Variants in LACTB2 observed in about 807,000 individuals in gnomAD.
The protein encoded by LACTB2 is endoribonuclease LACTB2.
Under a neutral mutation model 34.8 loss-of-function variants are expected in LACTB2, and 32 were observed. The ratio of observed to expected loss-of-function variants is 0.92; its 90% CI spans 0.69 to 1.24. The LOEUF is 1.24. Among genes scored for constraint, LACTB2 ranks in the 50% most tolerant of loss-of-function variants. The pLI, the probability that LACTB2 is intolerant of heterozygous loss-of-function variation, is 0.00. For missense variants in LACTB2, 320 were observed against 345.0 expected (o/e 0.93, Z 0.57); for synonymous variants, 120 against 117.5 (o/e 1.02, Z -0.14).
At chr8:70,648,067 T>G (rs569352226) in intron 3 of LACTB2, among the ~76,000 whole-genome samples, 18 of 152,308 alleles carry the variant, frequency 1.2e-4, no homozygotes, top group African/African-American at 4.3e-4. Context: ...AGAGTCTTTT[T>G]CTAAGTTATT....
At chr8:70,668,728 A>C (rs1818572197) in intron 1 of LACTB2, among the ~76,000 whole-genome samples, 1 of 148,496 alleles carries the variant, frequency 6.7e-6, no homozygotes, top group African/African-American at 2.5e-5. Context: ...AAGAACAGTA[A>C]ATCGGGTTTC....
chr8:70,657,859 G>A lies in LACTB2; in HGVS notation c.310C>T (p.Leu104Phe), dbSNP rs1162570809. The change falls in exon 3 of 7, where the codon CTC (leucine) becomes TTC (phenylalanine). Residue 104 changes from leucine to phenylalanine, a missense_variant. Coordinates refer to ENST00000276590, the MANE Select transcript of LACTB2 (RefSeq NM_016027.3). The stretch of plus-strand genomic sequence containing the variant: ...TCTTCTCTCTGAGGATTCCGTGGGA[G>A]TTTTTTAATGCAATAGGTAGTGTCT... ...NNDTTYCIKKLPRNPQREEII... is the reference protein window; with the variant it reads ...NNDTTYCIKKFPRNPQREEII... 1.3e-6 allele frequency: 2 copies of A among 1,599,588 alleles called. No homozygotes were observed. Among genetic ancestry groups the A allele is most frequent in the Non-Finnish European group, 8.6e-7 (1 of 1,167,492 alleles).
At chr8:70,645,524 T>A (rs1396089082) in intron 3 of LACTB2, among the ~76,000 whole-genome samples, 1 of 152,130 alleles carries the variant, frequency 6.6e-6, no homozygotes, top group African/African-American at 2.4e-5. Flanking sequence ...CTTTAAGTTT[T>A]AGGGTACATG....
In LACTB2 at chr8:70,667,498, A is replaced by T. The variant is rs1482683703; in HGVS notation, c.122+1501T>A. Among the ~76,000 whole-genome samples the T allele has an allele frequency of 2.6e-5, 4 of 152,366 alleles. No individual in the cohort carries two copies. The East Asian group carries it at 7.7e-4, about 29-fold the overall frequency. ...TATGGAGAAATAATTTACATAGTGC[A>T]AGTAATTCCACTGGCCATTCCACTC... is the stretch of plus-strand genomic sequence containing the variant. On this transcript the variant is annotated intron_variant, in intron 1 of 6. Coordinates refer to ENST00000276590, the MANE Select transcript of LACTB2 (RefSeq NM_016027.3).
chr8:70,661,153 A>C (rs1013533140), intron 2 of LACTB2: 4 of 420,612 alleles, frequency 9.5e-6, no homozygotes, highest in Non-Finnish European at 1.9e-5. Flanking sequence ...TGTTTTGTTC[A>C]CTGCTATACC....
At chr8:70,661,276 T>C (rs867848006) in intron 2 of LACTB2, 2 of 336,706 alleles carry the variant, frequency 5.9e-6, no homozygotes, top group Middle Eastern at 8.0e-4. Flanking sequence ...ATAGAAAATG[T>C]CAGTACTGTA....
intron 3 of LACTB2, among the ~76,000 whole-genome samples, chr8:70,656,188 T>C (rs1270224041): frequency 1.3e-5 from 2 of 152,234 alleles, no homozygotes; most frequent in Non-Finnish European, 2.9e-5. Flanking sequence ...TTTAGTTTAA[T>C]TAAGTCCCAA....
chr8:70,650,180 A>T (rs973531554), intron 3 of LACTB2, among the ~76,000 whole-genome samples: 4 of 152,104 alleles, frequency 2.6e-5, no homozygotes, highest in African/African-American at 9.7e-5. Flanking sequence ...AGATGATCTG[A>T]TTATAGTTTA....
In LACTB2 at chr8:70,657,886, G is replaced by C; in HGVS notation, c.287-4C>G. The C allele has an allele frequency of 6.4e-7, 1 of 1,568,044 alleles. No individual in the cohort carries two copies. The highest frequency in any genetic ancestry group is 1.4e-5 in the African/African-American group (1 of 73,082). On this transcript the variant is annotated splice_polypyrimidine_tract_variant and splice_region_variant and intron_variant, in intron 2 of 6. Transcript: ENST00000276590. ...TTTTTAATGCAATAGGTAGTGTCTA[G>C]TCATAAAACATATAAAATATATTAA...
intron 1 of LACTB2, among the ~76,000 whole-genome samples, chr8:70,666,683 A>G (rs988449762): frequency 6.6e-6 from 1 of 152,254 alleles, no homozygotes; most frequent in Non-Finnish European, 1.5e-5. Context: ...ACAGTAGCCT[A>G]AGCAAGAGTT....
Position 70,658,946 on chromosome 8 carries a change from G to A in LACTB2, c.287-1064C>T, listed in dbSNP as rs552476957. Among the ~76,000 whole-genome samples, 60 of 152,286 alleles carry A rather than the reference G, an allele frequency of 3.9e-4. 1 individual carries two copies. Among genetic ancestry groups the A allele is most frequent in the Admixed American group, 3.4e-3 (52 of 15,300 alleles). ...GGAGGCTGAGGCAGGAGAATCGAATGAGCCCAGGAGGCGGAGGTTGCAGTG... is the reference window on the plus strand; with the variant it reads ...GGAGGCTGAGGCAGGAGAATCGAATAAGCCCAGGAGGCGGAGGTTGCAGTG... On this transcript the variant is annotated intron_variant, in intron 2 of 6. Coordinates refer to ENST00000276590, the MANE Select transcript of LACTB2 (RefSeq NM_016027.3).
At chr8:70,649,543 A>G (rs1460172471) in intron 3 of LACTB2, among the ~76,000 whole-genome samples, 1 of 152,200 alleles carries the variant, frequency 6.6e-6, no homozygotes, top group African/African-American at 2.4e-5. Context: ...AATAGTGTCT[A>G]CAGTCATAAC....
At chr8:70,659,859 T>C (rs1369809982) in intron 2 of LACTB2, among the ~76,000 whole-genome samples, 6 of 152,320 alleles carry the variant, frequency 3.9e-5, no homozygotes, top group Admixed American at 1.3e-4. Flanking sequence ...CAAAGCAGCA[T>C]GAGGGGACCT....
At chr8:70,643,484 A>G (rs574731348) in intron 4 of LACTB2, among the ~76,000 whole-genome samples, 1 of 150,066 alleles carries the variant, frequency 6.7e-6, no homozygotes, top group African/African-American at 2.4e-5. Flanking sequence ...AGGCCTCTCA[A>G]AGAGGGGTAT....
chr8:70,644,012 C>T (rs1194127805), intron 4 of LACTB2, 53 bp downstream of exon 4: 9 of 1,407,054 alleles, frequency 6.4e-6, no homozygotes, highest in Non-Finnish European at 7.4e-6. Context: ...CATAGCAAGA[C>T]CTTGTCTCTA....
intron 2 of LACTB2, among the ~76,000 whole-genome samples, chr8:70,658,319 C>T (rs58058208): frequency 0.016 from 2,485 of 152,170 alleles, 66 homozygotes; most frequent in African/African-American, 0.057. Context: ...GTCCTTGCTA[C>T]AAGTACTGAA....
At chr8:70,661,275 G>A in intron 2 of LACTB2, 1 of 335,472 alleles carries the variant, frequency 3.0e-6, no homozygotes, top group South Asian at 2.3e-5. Flanking sequence ...GATAGAAAAT[G>A]TCAGTACTGT....
chr8:70,639,363 T>C (rs1818166564), intron 5 of LACTB2, among the ~76,000 whole-genome samples: 1 of 151,462 alleles, frequency 6.6e-6, no homozygotes, highest in Admixed American at 6.6e-5. Flanking sequence ...TTTCACCATG[T>C]TGGCCAGACT....
chr8:70,644,182 C>T lies in LACTB2; in HGVS notation c.475G>A (p.Ala159Thr). The T allele has an allele frequency of 6.2e-7, 1 of 1,613,092 alleles. No homozygotes were observed. The highest frequency in any genetic ancestry group is 8.5e-7 in the Non-Finnish European group (1 of 1,179,452). The change falls in exon 4 of 7, where the codon GCT (alanine) becomes ACT (threonine). Residue 159 changes from alanine to threonine, a missense_variant. By Grantham distance (58) the Ala-to-Thr change is moderately conservative. Transcript: ENST00000276590. Reference protein sequence around the residue: ...HMALLLEEENAIFSGDCILGE... With the variant: ...HMALLLEEENTIFSGDCILGE... ...AGGATGCAATCTCCAGAAAAGATAG[C>T]ATTTTCCTCTTCTAAGAGTAGAGCC...
Sources: gnomAD v4.1 joint callset for allele counts (sites outside exome capture counted in the v4.1 genomes callset) on GRCh38, gnomAD v4.1.1 for gene constraint, MANE v1.5 for transcripts, NCBI Gene and HGNC (gene_info 2026-07-23, HGNC 2026-07-21) for gene names.